Variants in STIM2 observed in about 807,000 individuals in gnomAD.
STIM2 encodes stromal interaction molecule 2.
In STIM2, 31 loss-of-function variants were observed where a neutral mutation model predicts 85.8. That is an observed-to-expected ratio of 0.36 (90% CI 0.27 to 0.49). The LOEUF (loss-of-function observed/expected upper bound fraction) is 0.49, where lower values mean the gene tolerates loss of function less well. STIM2 is among the 20% of genes least tolerant of loss of function. STIM2 has a pLI of 0.98. For synonymous variants in STIM2, 356 were observed against 331.1 expected (o/e 1.08, Z -0.82); for missense variants, 841 against 927.6 (o/e 0.91, Z 1.21).
intron 1 of STIM2, 131 bp downstream of exon 1, chr4:26,861,500 C>G (rs1055396613): frequency 8.3e-7 from 1 of 1,205,030 alleles, no homozygotes; most frequent in Non-Finnish European, 1.0e-6. Context: ...CGGAGCCCTG[C>G]CTGCTGCTTC....
intron 1 of STIM2, among the ~76,000 whole-genome samples, chr4:26,868,034 C>T (rs1722468988): frequency 6.6e-6 from 1 of 152,230 alleles, no homozygotes; most frequent in African/African-American, 2.4e-5. Flanking sequence ...ATCATGGCTG[C>T]AGTCCCGAGA....
intron 11 of STIM2, 43 bp downstream of exon 11, chr4:27,018,027 T>C: frequency 6.3e-7 from 1 of 1,595,574 alleles, no homozygotes; most frequent in Non-Finnish European, 8.6e-7. Flanking sequence ...GGGGCTGGGT[T>C]GGGGGTAAGG....
rs973703044 is a variant in STIM2, at chr4:27,003,031, G to A, written c.908G>A (p.Arg303Gln). Residue 303 changes from arginine (R) to glutamine (Q), a missense_variant, in exon 7 of 12, where the codon CGG becomes CAG. Coordinates refer to ENST00000467087, the MANE Select transcript of STIM2 (RefSeq NM_020860.4). ...AATTATGCAAAGGAGGAGGCTTGTC[G>A]GCTGAGAGAGCTAAGGGAGGGAGCT... 6.9e-6 allele frequency: 11 copies of A among 1,603,960 alleles called. No individual in the cohort carries two copies. Among genetic ancestry groups the A allele is most frequent in the African/African-American group, 6.8e-5 (5 of 73,990 alleles).
At chr4:26,952,662 T>A (rs1726101876) in intron 2 of STIM2, among the ~76,000 whole-genome samples, 1 of 152,062 alleles carries the variant, frequency 6.6e-6, no homozygotes, top group South Asian at 2.1e-4. Context: ...AATTCTGTGC[T>A]CTCAAACACT....
chr4:26,907,381 A>T (rs1056070677), intron 1 of STIM2, among the ~76,000 whole-genome samples: 2 of 152,206 alleles, frequency 1.3e-5, no homozygotes, highest in African/African-American at 4.8e-5. Context: ...GTTAGCTGTC[A>T]CTTCTCTCTT....
chr4:26,992,152 G>A (rs1293221175), intron 3 of STIM2, among the ~76,000 whole-genome samples: 1 of 152,024 alleles, frequency 6.6e-6, no homozygotes, highest in Non-Finnish European at 1.5e-5. Context: ...TTTAGAAAAT[G>A]TTAAAAAAGA....
At chr4:26,905,943 T>A (rs865835053) in intron 1 of STIM2, among the ~76,000 whole-genome samples, 7 of 152,308 alleles carry the variant, frequency 4.6e-5, no homozygotes, top group African/African-American at 1.7e-4. Flanking sequence ...GTTGGCTGTT[T>A]ATGTGTGTGT....
chr4:26,906,773 A>G (rs1724142098), intron 1 of STIM2, among the ~76,000 whole-genome samples: 1 of 151,928 alleles, frequency 6.6e-6, no homozygotes, highest in African/African-American at 2.4e-5. Flanking sequence ...TGCTATTATT[A>G]AACACATGCA....
chr4:26,904,615 G>A (rs1268034506), intron 1 of STIM2, among the ~76,000 whole-genome samples: 1 of 152,178 alleles, frequency 6.6e-6, no homozygotes, highest in Non-Finnish European at 1.5e-5. Context: ...GTGGAGTGGT[G>A]AGAGCAGAGG....
intron 5 of STIM2, among the ~76,000 whole-genome samples, chr4:27,001,942 G>A (rs1488270998): frequency 6.6e-6 from 1 of 152,102 alleles, no homozygotes; most frequent in African/African-American, 2.4e-5. Context: ...TTTTTCAAGG[G>A]TCCCCATGAC....
chr4:26,895,388 A>G (rs1723660723), intron 1 of STIM2, among the ~76,000 whole-genome samples: 1 of 152,044 alleles, frequency 6.6e-6, no homozygotes, highest in African/African-American at 2.4e-5. Flanking sequence ...AAACGTTTTT[A>G]TTTTCAAAAT....
At chr4:26,899,796 A>G (rs1417148654) in intron 1 of STIM2, among the ~76,000 whole-genome samples, 2 of 152,168 alleles carry the variant, frequency 1.3e-5, no homozygotes, top group East Asian at 1.9e-4. Flanking sequence ...ACTTTGTACT[A>G]TATATCACTT....
chr4:27,008,975 A>G lies in STIM2; in HGVS notation c.1462A>G (p.Thr488Ala). ...AGGAGTTGATGACTTAGATGAAGAC[A>G]CACCCCCAATAGTGTCACAATTTCC... Residue 488 changes from threonine (T) to alanine (A), a missense_variant, in exon 10 of 12, where the codon ACA becomes GCA. By Grantham distance (58) the Thr-to-Ala change is moderately conservative. Around this residue, in one of 3 missense-constraint regions of STIM2, gnomAD observed 408 missense variants for 525.4 expected, o/e 0.78. Transcript: ENST00000467087. 1 of 1,614,076 alleles carries G rather than the reference A, an allele frequency of 6.2e-7. No homozygotes were observed.
intron 2 of STIM2, among the ~76,000 whole-genome samples, chr4:26,952,837 C>T (rs907597189): frequency 6.6e-6 from 1 of 152,112 alleles, no homozygotes; most frequent in Non-Finnish European, 1.5e-5. Flanking sequence ...TTCTTTAAAA[C>T]TTACTTCCAG....
At chr4:26,930,362 T>G (rs1177534824) in intron 2 of STIM2, among the ~76,000 whole-genome samples, 1 of 152,202 alleles carries the variant, frequency 6.6e-6, no homozygotes, top group African/African-American at 2.4e-5. Context: ...TGTTCTTACC[T>G]TTCCCTCTTT....
chr4:26,950,077 A>G (rs575941821), intron 2 of STIM2, among the ~76,000 whole-genome samples: 1 of 152,282 alleles, frequency 6.6e-6, no homozygotes, highest in East Asian at 1.9e-4. Context: ...AGAAATAATT[A>G]CCTGGCCTTC....
At chr4:26,904,643 T>G (rs1352469756) in intron 1 of STIM2, among the ~76,000 whole-genome samples, 1 of 152,080 alleles carries the variant, frequency 6.6e-6, no homozygotes, top group Non-Finnish European at 1.5e-5. Context: ...GGAGTGGATT[T>G]TAAGAGAGAA....
chr4:26,971,775 A>T (rs1400984712), intron 3 of STIM2, among the ~76,000 whole-genome samples: 1 of 152,232 alleles, frequency 6.6e-6, no homozygotes, highest in Non-Finnish European at 1.5e-5. Flanking sequence ...AATTCTGTGA[A>T]GAAAGTCATT....
At chr4:27,021,242 T>C in intron 11 of STIM2, 1 of 572,238 alleles carries the variant, frequency 1.7e-6, no homozygotes, top group Non-Finnish European at 3.1e-6. Context: ...TATTTATTTC[T>C]TTTTTTCTGG....
Sources: gnomAD v4.1 joint callset for allele counts (sites outside exome capture counted in the v4.1 genomes callset) on GRCh38, gnomAD v4.1.1 for gene constraint, gnomAD v4.1.1 regional missense constraint, MANE v1.5 for transcripts, NCBI Gene and HGNC (gene_info 2026-07-23, HGNC 2026-07-21) for gene names.